The following LPCAT1 variants were observed in gnomAD, a reference collection of about 807,000 sequenced individuals.
LPCAT1 encodes the protein lysophosphatidylcholine acyltransferase 1, also known as 1-acylglycerol-3-phosphate O-acyltransferase.
Under a neutral mutation model 60.9 loss-of-function variants are expected in LPCAT1, and 23 were observed. The observed-to-expected ratio is 0.38, with a 90% CI of 0.27 to 0.53. LPCAT1 has a LOEUF of 0.53. LPCAT1 is among the 20% of genes least tolerant of loss of function. LPCAT1 has a pLI of 0.82. For missense variants in LPCAT1, 622 were observed against 723.6 expected (o/e 0.86, Z 1.61); for synonymous variants, 340 against 301.1 (o/e 1.13, Z -1.34).
chr5:1,508,489 A>G (rs774403310), intron 1 of LPCAT1, among the ~76,000 whole-genome samples: 23 of 152,164 alleles, frequency 1.5e-4, no homozygotes, highest in Non-Finnish European at 2.9e-4. Flanking sequence ...CCAGGGAGGG[A>G]CGGCCCTGTG....
intron 13 of LPCAT1, among the ~76,000 whole-genome samples, chr5:1,464,880 C>CA (rs34776767): frequency 1.0e-4 from 15 of 150,500 alleles, no homozygotes; most frequent in South Asian, 8.4e-4. Flanking sequence ...CGTGTACACA[C>CA]AAACAAGTGC....
intron 13 of LPCAT1, 118 bp downstream of exon 13, chr5:1,466,631 T>C: frequency 8.7e-7 from 1 of 1,150,282 alleles, no homozygotes; most frequent in Non-Finnish European, 1.2e-6. Context: ...GGCAGCCTGG[T>C]GAATGGAGGC....
rs938276580 is a variant in LPCAT1 at position 1,496,470 on chromosome 5, T to G, written c.279-1556A>C. 6.7e-6 allele frequency among the ~76,000 whole-genome samples: 1 copy of G among 148,700 alleles called. No homozygotes were observed. Among genetic ancestry groups the G allele is most frequent in the Non-Finnish European group, 1.5e-5 (1 of 67,446 alleles). On this transcript the variant is annotated intron_variant, in intron 2 of 13. Coordinates refer to ENST00000283415, the MANE Select transcript of LPCAT1 (RefSeq NM_024830.5). The surrounding 1 kb of genome is among the most constrained non-coding windows in gnomAD (Gnocchi z 4.7). ...AAGCCAAAAGACAGCAATTGATGCC[T>G]AAGATGGAAGAAACAAGGCAGCGGC...
chr5:1,466,787 C>T lies in LPCAT1; in HGVS notation c.1382G>A (p.Arg461Gln). 6.2e-7 allele frequency: 1 copy of T among 1,612,838 alleles called. No individual in the cohort carries two copies. Among genetic ancestry groups the T allele is most frequent in the Non-Finnish European group, 8.5e-7 (1 of 1,179,288 alleles). Residue 461 changes from arginine to glutamine, a missense_variant, in exon 13 of 14, where the codon CGA becomes CAA. Transcript: ENST00000283415. ...CCCCTTCTCCTCTTGGTCAATGGCT[C>T]GGAATAGGTCGGTCACGGTGAGCTC... The part of the protein sequence containing the change: ...VAELTVTDLF[R>Q]AIDQEEKGKI...
intron 4 of LPCAT1, 79 bp downstream of exon 4, chr5:1,489,665 CCA>C: frequency 9.7e-7 from 1 of 1,031,714 alleles, no homozygotes; most frequent in South Asian, 1.3e-5. Flanking sequence ...AGGAAGGGCC[CCA>C]GTTTCTTTCT....
At chr5:1,469,897 G>C (rs1037194208) in intron 12 of LPCAT1, among the ~76,000 whole-genome samples, 4 of 152,192 alleles carry the variant, frequency 2.6e-5, no homozygotes, top group African/African-American at 9.6e-5. Context: ...GCCCAGGCCT[G>C]GAGGAGGCAG....
rs945645480 is a variant in LPCAT1 at position 1,481,984 on chromosome 5, C to A, written c.727-1008G>T. ...ACCTGTATTTCTGCCCCACTATGTC[C>A]TGACCCACGGGGGTTTTCTTTCAGT... On this transcript the variant is annotated intron_variant, in intron 6 of 13. Coordinates refer to ENST00000283415, the MANE Select transcript of LPCAT1 (RefSeq NM_024830.5). The surrounding 1 kb of genome is among the most constrained non-coding windows in gnomAD (Gnocchi z 7.8). 2.0e-5 allele frequency among the ~76,000 whole-genome samples: 3 copies of A among 152,270 alleles called. No individual in the cohort carries two copies. The highest frequency in any genetic ancestry group is 1.9e-4 in the East Asian group (1 of 5,196).
rs879723696 is a variant in LPCAT1 at position 1,477,640 on chromosome 5, A to G, written c.817-154T>C. On this transcript the variant is annotated intron_variant, in intron 8 of 13. Coordinates refer to ENST00000283415, the MANE Select transcript of LPCAT1 (RefSeq NM_024830.5). The surrounding 1 kb of genome is among the most constrained non-coding windows in gnomAD (Gnocchi z 6.0). Reference sequence around the variant, plus strand: ...TTGTCATGTGCACGTGTGTGTACGCACACACACACCCCCATGATGCATGAA... The same window carrying G: ...TTGTCATGTGCACGTGTGTGTACGCGCACACACACCCCCATGATGCATGAA... 6.6e-6 allele frequency among the ~76,000 whole-genome samples: 1 copy of G among 151,182 alleles called. No homozygotes were observed. Among genetic ancestry groups the G allele is most frequent in the Non-Finnish European group, 1.5e-5 (1 of 68,030 alleles).
At chr5:1,493,939 G>A (rs1735682499) in intron 3 of LPCAT1, among the ~76,000 whole-genome samples, 1 of 152,282 alleles carries the variant, frequency 6.6e-6, no homozygotes, top group Admixed American at 6.5e-5. Context: ...GACACTTGGA[G>A]GGAGCCAGGC....
intron 1 of LPCAT1, among the ~76,000 whole-genome samples, chr5:1,512,342 C>T (rs538061842): frequency 2.6e-5 from 4 of 152,318 alleles, no homozygotes; most frequent in South Asian, 2.1e-4. Context: ...CATCATCCCA[C>T]GGAGGCTCAC....
chr5:1,518,313 T>C (rs1264183083), intron 1 of LPCAT1, among the ~76,000 whole-genome samples: 3 of 152,254 alleles, frequency 2.0e-5, no homozygotes, highest in Non-Finnish European at 4.4e-5. Flanking sequence ...CCCAGGTTGC[T>C]TGTCCCGGGC....
At chr5:1,465,441 C>T (rs1210582133) in intron 13 of LPCAT1, among the ~76,000 whole-genome samples, 1 of 150,486 alleles carries the variant, frequency 6.6e-6, no homozygotes, top group Non-Finnish European at 1.5e-5. Context: ...ACAAAACAAG[C>T]GCAGGTACAC....
In LPCAT1 at chr5:1,496,061, T is replaced by G. The variant is rs1018808561; in HGVS notation, c.279-1147A>C. Among the ~76,000 whole-genome samples the G allele has an allele frequency of 3.9e-5, 6 of 152,278 alleles. No homozygotes were observed. In the East Asian group the frequency reaches 1.2e-3, roughly 29 times the overall value. ...CTTCACCACCTGTTCAGCTGCATAT[T>G]TAAAAATGTACTTTTCTGGCCAGGC... On this transcript the variant is annotated intron_variant, in intron 2 of 13. Transcript: ENST00000283415. This position sits in a 1 kb window ranked among gnomAD's most constrained non-coding sequence, Gnocchi z 4.7.
At chr5:1,515,951 G>A (rs555450160) in intron 1 of LPCAT1, among the ~76,000 whole-genome samples, 48 of 152,400 alleles carry the variant, frequency 3.1e-4, no homozygotes, top group African/African-American at 1.1e-3. Flanking sequence ...AGGCAAGGCT[G>A]ACCCCTGCTC....
chr5:1,483,474 G>A lies in LPCAT1; in HGVS notation c.680C>T (p.Pro227Leu). ...LITFKPGAFIPGAPVQPVVLR... is the reference protein window; with the variant it reads ...LITFKPGAFILGAPVQPVVLR... ...AACCACAGGCTGGACGGGCGCTCCAGGGATGAATGCACCTGCCGAGAAAGG... is the reference window on the plus strand; with the variant it reads ...AACCACAGGCTGGACGGGCGCTCCAAGGATGAATGCACCTGCCGAGAAAGG... Residue 227 changes from proline (P) to leucine (L), a missense_variant, in exon 6 of 14, where the codon CCT becomes CTT. Around this residue, in one of 3 missense-constraint regions of LPCAT1, gnomAD observed 209 missense variants for 325.5 expected, o/e 0.64. Transcript: ENST00000283415. This position sits in a 1 kb window ranked among gnomAD's most constrained non-coding sequence, Gnocchi z 9.2. 2 of 1,613,700 alleles carry A rather than the reference G, an allele frequency of 1.2e-6. No individual in the cohort carries two copies. The highest frequency in any genetic ancestry group is 1.7e-6 in the Non-Finnish European group (2 of 1,180,022).
intron 1 of LPCAT1, among the ~76,000 whole-genome samples, chr5:1,504,158 C>A (rs2126596011): frequency 6.6e-6 from 1 of 152,374 alleles, no homozygotes; most frequent in East Asian, 1.9e-4. Context: ...CTGATAGTCA[C>A]ATTTAGAACA....
chr5:1,489,568 T>C (rs1735495463), intron 4 of LPCAT1, among the ~76,000 whole-genome samples, 178 bp downstream of exon 4: 1 of 152,234 alleles, frequency 6.6e-6, no homozygotes. Flanking sequence ...TAACTTTAAA[T>C]TTCGGGCACC....
chr5:1,511,162 C>A (rs969398364), intron 1 of LPCAT1, among the ~76,000 whole-genome samples: 7 of 152,228 alleles, frequency 4.6e-5, no homozygotes, highest in Non-Finnish European at 8.8e-5. Flanking sequence ...CCCACGCAGG[C>A]CTTTCTGTGG....
Position 1,523,954 on chromosome 5 carries a change from G to C in LPCAT1, c.-110C>G. ...GCGGGCCGAGGATGCGCGGCGGCTG[G>C]AGCGGGCCGGGCGCGCAGGCGCGGG... On this transcript the variant is annotated 5_prime_UTR_variant, in exon 1 of 14. Transcript: ENST00000283415. This position sits in a 1 kb window ranked among gnomAD's most constrained non-coding sequence, Gnocchi z 7.1. 3 of 796,228 alleles carry C rather than the reference G, an allele frequency of 3.8e-6. No homozygotes were observed. Among genetic ancestry groups the C allele is most frequent in the Non-Finnish European group, 4.6e-6 (3 of 656,536 alleles). 49.3% of individuals were successfully genotyped at this position (796,228 alleles called of 1,614,324 possible).
Sources: allele counts gnomAD v4.1 joint callset (sites outside exome capture counted in the v4.1 genomes callset), GRCh38; gene constraint gnomAD v4.1.1; regional missense constraint gnomAD v4.1.1; non-coding constraint Gnocchi (gnomAD v3.1); transcripts MANE v1.5; gene names NCBI Gene and HGNC (gene_info 2026-07-23, HGNC 2026-07-21).